OXR1: variants seen among roughly 807,000 people sequenced by gnomAD.
OXR1 encodes the protein oxidation resistance 1.
In OXR1, 41 loss-of-function variants were observed where a neutral mutation model predicts 104.6. The observed-to-expected ratio is 0.39, with a 90% CI of 0.31 to 0.51. The LOEUF (loss-of-function observed/expected upper bound fraction) is 0.51, where lower values mean the gene tolerates loss of function less well. Ranked by LOEUF, OXR1 falls within the 20% of genes least tolerant of loss-of-function variation. The probability of loss-of-function intolerance (pLI) is 0.77; values close to 1 mark genes in which losing one functional copy is unlikely to be tolerated. For missense variants in OXR1, 955 were observed against 1,031.9 expected (o/e 0.93, Z 1.02); for synonymous variants, 348 against 348.4 (o/e 1.00, Z 0.01).
chr8:106,595,756 C>T (rs1158090704), intron 3 of OXR1, among the ~76,000 whole-genome samples: 4 of 151,974 alleles, frequency 2.6e-5, no homozygotes, highest in Non-Finnish European at 5.9e-5. Context: ...GCAGCATATC[C>T]CATAAACATT....
intron 3 of OXR1, among the ~76,000 whole-genome samples, chr8:106,555,936 A>ATG (rs1816243242): frequency 2.0e-5 from 2 of 100,740 alleles, no homozygotes; most frequent in Admixed American, 2.4e-4. Context: ...ATGTACATAT[A>ATG]TATATATATA....
intron 2 of OXR1, among the ~76,000 whole-genome samples, chr8:106,465,945 TA>T (rs898951994): frequency 1.3e-5 from 2 of 152,002 alleles, no homozygotes; most frequent in African/African-American, 4.8e-5. Flanking sequence ...GTCTCAAATT[TA>T]TTCATTTGCA....
chr8:106,313,757 C>A (rs1813811716), intron 1 of OXR1, among the ~76,000 whole-genome samples: 1 of 152,072 alleles, frequency 6.6e-6, no homozygotes, highest in African/African-American at 2.4e-5. Context: ...TAAAACAGTT[C>A]ATGTAGGTAG....
intron 3 of OXR1, among the ~76,000 whole-genome samples, chr8:106,549,337 C>T (rs2130393321): frequency 6.6e-6 from 1 of 152,062 alleles, no homozygotes; most frequent in East Asian, 1.9e-4. Context: ...TTACTATCTC[C>T]CCAGCACTTT....
At chr8:106,457,557 G>A (rs1330389048) in intron 2 of OXR1, among the ~76,000 whole-genome samples, 3 of 152,178 alleles carry the variant, frequency 2.0e-5, no homozygotes, top group Non-Finnish European at 4.4e-5. Context: ...AATAGAGGCT[G>A]GAAGAATTCA....
chr8:106,333,982 C>A (rs1442424940), intron 1 of OXR1, among the ~76,000 whole-genome samples: 1 of 152,018 alleles, frequency 6.6e-6, no homozygotes, highest in Non-Finnish European at 1.5e-5. Flanking sequence ...ATAAACTTGT[C>A]TATTTCTGTA....
intron 2 of OXR1, among the ~76,000 whole-genome samples, chr8:106,465,255 A>T (rs1821113552): frequency 6.6e-6 from 1 of 151,900 alleles, no homozygotes; most frequent in African/African-American, 2.4e-5. Flanking sequence ...CAAAGGCCTG[A>T]AGTGGGGGCA....
At chr8:106,442,842 G>T (rs1345421519) in intron 2 of OXR1, among the ~76,000 whole-genome samples, 1 of 152,024 alleles carries the variant, frequency 6.6e-6, no homozygotes, top group African/African-American at 2.4e-5. Context: ...TATCTATTTT[G>T]TTAATTTTTT....
chr8:106,344,403 T>C (rs1466197237), intron 1 of OXR1, among the ~76,000 whole-genome samples: 1 of 152,212 alleles, frequency 6.6e-6, no homozygotes, highest in African/African-American at 2.4e-5. Context: ...AGTGGCACAA[T>C]CTCGGCTCAC....
intron 1 of OXR1, among the ~76,000 whole-genome samples, chr8:106,289,444 A>C (rs1188794842): frequency 3.9e-5 from 6 of 152,236 alleles, no homozygotes; most frequent in Admixed American, 3.9e-4. Flanking sequence ...ACTTAGGAAC[A>C]CAGCTAACCA....
chr8:106,726,286 C>T, intron 11 of OXR1: 5 of 1,522,476 alleles, frequency 3.3e-6, no homozygotes, highest in African/African-American at 1.4e-5. Flanking sequence ...AAGACATCAA[C>T]CAATTAATCA....
At chr8:106,377,187 ACTTTT>A (rs1418375734) in intron 2 of OXR1, among the ~76,000 whole-genome samples, 1 of 151,976 alleles carries the variant, frequency 6.6e-6, no homozygotes, top group Non-Finnish European at 1.5e-5. Flanking sequence ...TAATACACAC[ACTTTT>A]CTTTTTTTTG....
chr8:106,556,751 C>T (rs1386735835), intron 3 of OXR1, among the ~76,000 whole-genome samples: 1 of 152,148 alleles, frequency 6.6e-6, no homozygotes, highest in Non-Finnish European at 1.5e-5. Flanking sequence ...CCAGCTAATG[C>T]CAAGTCTGTT....
chr8:106,505,450 T>C (rs538941099), intron 2 of OXR1, among the ~76,000 whole-genome samples: 3 of 152,296 alleles, frequency 2.0e-5, no homozygotes, highest in Non-Finnish European at 4.4e-5. Flanking sequence ...TCAGAGTGTC[T>C]AATGAAATGA....
chr8:106,306,285 T>C (rs566647238), intron 1 of OXR1, among the ~76,000 whole-genome samples: 2 of 152,272 alleles, frequency 1.3e-5, no homozygotes, highest in East Asian at 3.9e-4. Context: ...TTAAAGTTAA[T>C]AATTTTATTT....
At chr8:106,610,972 G>T (rs981431037) in intron 3 of OXR1, among the ~76,000 whole-genome samples, 1 of 152,090 alleles carries the variant, frequency 6.6e-6, no homozygotes, top group East Asian at 1.9e-4. Flanking sequence ...TTTATTTATT[G>T]ATCTCCTACA....
chr8:106,571,358 G>A (rs1466545337), intron 3 of OXR1, among the ~76,000 whole-genome samples: 2 of 152,074 alleles, frequency 1.3e-5, no homozygotes, highest in Non-Finnish European at 1.5e-5. Context: ...ATGAGAAAGA[G>A]AGACAGAGAG....
chr8:106,304,825 T>C (rs1050282861), intron 1 of OXR1, among the ~76,000 whole-genome samples: 1 of 152,158 alleles, frequency 6.6e-6, no homozygotes, highest in African/African-American at 2.4e-5. Context: ...TTCTACCTTT[T>C]ACTCAAGGGA....
intron 3 of OXR1, among the ~76,000 whole-genome samples, chr8:106,523,951 T>C (rs1813452355): frequency 6.6e-6 from 1 of 151,850 alleles, no homozygotes; most frequent in Non-Finnish European, 1.5e-5. Context: ...AGTTTTTGTA[T>C]TTTTTTAGTA....
Sources: allele counts gnomAD v4.1 joint callset (sites outside exome capture counted in the v4.1 genomes callset), GRCh38; gene constraint gnomAD v4.1.1; transcripts MANE v1.5; gene names NCBI Gene and HGNC (gene_info 2026-07-23, HGNC 2026-07-21).